Variants in TCTN2 observed in about 807,000 individuals in gnomAD.
TCTN2 encodes tectonic-2.
In TCTN2, 66 loss-of-function variants were observed where a neutral mutation model predicts 83.4. The observed-to-expected ratio is 0.79, with a 90% CI of 0.65 to 0.97. The LOEUF (loss-of-function observed/expected upper bound fraction) is 0.97. Ranked by LOEUF, TCTN2 falls within the 50% of genes least tolerant of loss-of-function variation. The pLI is 0.00. For missense variants in TCTN2, 794 were observed against 858.1 expected (o/e 0.93, Z 0.93); for synonymous variants, 301 against 326.7 (o/e 0.92, Z 0.85).
chr12:123,673,948 T>G, intron 4 of TCTN2, 138 bp downstream of exon 4: 2 of 809,824 alleles, frequency 2.5e-6, no homozygotes, highest in South Asian at 3.1e-5. Flanking sequence ...AAATGAGCTG[T>G]GATCGCGCCA....
At chr12:123,699,981 T>C in intron 14 of TCTN2, 171 bp downstream of exon 14, 1 of 673,446 alleles carries the variant, frequency 1.5e-6, no homozygotes, top group Non-Finnish European at 2.7e-6. Context: ...GGCATGTCTT[T>C]TTCTTCTTAT....
In TCTN2 at chr12:123,687,952, A is replaced by C. The variant is rs111776710; in HGVS notation, c.765-99A>C. The C allele has an allele frequency of 0.017, 25,214 of 1,523,328 alleles. 294 individuals carry two copies. Among genetic ancestry groups the C allele is most frequent in the South Asian group, 0.038 (3,382 of 88,684 alleles). The allele number at this position is 1,523,328 out of a possible 1,614,324, so 94.4% of individuals were successfully genotyped here. ...GCACTCCAGCCTGGGTGACAGAGTG[A>C]GACTCCATCTCAGAAAACAAGAGTA... On this transcript the variant is annotated intron_variant, in intron 6 of 17. Transcript: ENST00000303372.
At chr12:123,694,722 A>ACTTGGG in intron 9 of TCTN2, 120 bp from the exon 10 acceptor site, 1 of 1,033,790 alleles carries the variant, frequency 9.7e-7, no homozygotes, top group Non-Finnish European at 1.5e-6. Context: ...AGGGAGCTGG[A>ACTTGGG]GATAGGGAGG....
chr12:123,687,087 G>A, intron 6 of TCTN2, 52 bp downstream of exon 6: 1 of 1,607,460 alleles, frequency 6.2e-7, no homozygotes. Context: ...CCGCCCTGGT[G>A]GGGCCATACT....
At chr12:123,680,871 A>G (rs1040989920) in intron 5 of TCTN2, among the ~76,000 whole-genome samples, 12 of 152,280 alleles carry the variant, frequency 7.9e-5, no homozygotes, top group African/African-American at 2.9e-4. Flanking sequence ...GAAGAAGGAA[A>G]GAATATCTCT....
In TCTN2 at chr12:123,671,204, C is replaced by G; in HGVS notation, c.-37C>G. On this transcript the variant is annotated 5_prime_UTR_variant, in exon 1 of 18. Transcript: ENST00000303372. Reference sequence around the variant, plus strand: ...AGTCCTTCCTGGGTTCTAATGAGGGCGCGGTTCTGCTGTGCCCGGCCCGCG... The same window carrying G: ...AGTCCTTCCTGGGTTCTAATGAGGGGGCGGTTCTGCTGTGCCCGGCCCGCG... 1 of 1,588,474 alleles carries G rather than the reference C, an allele frequency of 6.3e-7. No individual in the cohort carries two copies. Among genetic ancestry groups the G allele is most frequent in the Non-Finnish European group, 8.6e-7 (1 of 1,165,292 alleles).
In TCTN2 at chr12:123,671,206, C is replaced by T; in HGVS notation, c.-35C>T. On this transcript the variant is annotated 5_prime_UTR_variant, in exon 1 of 18. Transcript: ENST00000303372. ...TCCTTCCTGGGTTCTAATGAGGGCG[C>T]GGTTCTGCTGTGCCCGGCCCGCGAG... The T allele has an allele frequency of 6.3e-7, 1 of 1,593,926 alleles. No homozygotes were observed. Among genetic ancestry groups the T allele is most frequent in the Non-Finnish European group, 8.6e-7 (1 of 1,169,254 alleles).
intron 4 of TCTN2, among the ~76,000 whole-genome samples, chr12:123,676,604 T>TCAG (rs936013568): frequency 2.0e-5 from 3 of 150,016 alleles, no homozygotes; most frequent in Admixed American, 6.7e-5. Flanking sequence ...AAAATATGCT[T>TCAG]CAGTATATTT....
At chr12:123,681,255 T>G (rs1955895781) in intron 5 of TCTN2, among the ~76,000 whole-genome samples, 1 of 62,074 alleles carries the variant, frequency 1.6e-5, no homozygotes, top group South Asian at 4.3e-4. Flanking sequence ...AGACTCTCTT[T>G]CAAAAAAAAA....
At chr12:123,707,130 T>G (rs1956240237) in intron 17 of TCTN2, 57 bp downstream of exon 17, 3 of 1,416,450 alleles carry the variant, frequency 2.1e-6, no homozygotes, top group Non-Finnish European at 3.0e-6. Context: ...AAAAAATTTT[T>G]TAAATGATGT....
intron 11 of TCTN2, 102 bp from the exon 12 acceptor site, chr12:123,696,311 CTA>C (rs1486625523): frequency 2.1e-6 from 2 of 970,236 alleles, no homozygotes; most frequent in Non-Finnish European, 3.3e-6. Flanking sequence ...AAAGCTTCGC[CTA>C]TGTGTTTTCT....
chr12:123,672,463 T>C (rs1453405554), intron 3 of TCTN2, among the ~76,000 whole-genome samples: 2 of 152,160 alleles, frequency 1.3e-5, no homozygotes, highest in African/African-American at 2.4e-5. Flanking sequence ...ATGCCAGGCA[T>C]CGTGGCTCAC....
chr12:123,673,714 C>T lies in TCTN2; in HGVS notation c.367C>T (p.Leu123Phe), dbSNP rs1955785076. ...FSESPCILQT[L>F]LVSASHNSSC... ...AGAGTCCCCCTGTATCCTCCAGACC[C>T]TTCTGGTTTCAGCATCTCATAATTC... The change falls in exon 4 of 18, where the codon CTT (leucine) becomes TTT (phenylalanine). Residue 123 changes from leucine to phenylalanine, a missense_variant. Coordinates refer to ENST00000303372, the MANE Select transcript of TCTN2 (RefSeq NM_024809.5). 1 of 1,614,182 alleles carries T rather than the reference C, an allele frequency of 6.2e-7. No homozygotes were observed. Among genetic ancestry groups the T allele is most frequent in the Non-Finnish European group, 8.5e-7 (1 of 1,180,018 alleles).
chr12:123,699,568 C>T lies in TCTN2; in HGVS notation c.1506-136C>T, dbSNP rs181054455. On this transcript the variant is annotated intron_variant, in intron 13 of 17. Transcript: ENST00000303372. ...ACACACCTAGTCCATGGGTGACACC[C>T]AGCCAGTTTTTAATGCCAGTTCCTC... 1.2e-4 allele frequency: 92 copies of T among 750,766 alleles called. No homozygotes were observed. The African/African-American group carries it at 1.4e-3, about 12-fold the overall frequency. The allele number at this position is 750,766 out of a possible 1,614,324, so 46.5% of individuals were successfully genotyped here. A position where few individuals can be genotyped will look rare whatever the true frequency, so the allele number is the denominator to read the frequency against.
chr12:123,672,441 CAAAA>C (rs945055883), intron 3 of TCTN2, among the ~76,000 whole-genome samples: 1 of 152,042 alleles, frequency 6.6e-6, no homozygotes, highest in Admixed American at 6.6e-5. Context: ...GTCAGTGATT[CAAAA>C]AAGCTTTATG....
intron 5 of TCTN2, among the ~76,000 whole-genome samples, 158 bp from the exon 6 acceptor site, chr12:123,686,678 T>C (rs1030505847): frequency 2.0e-5 from 3 of 152,196 alleles, no homozygotes; most frequent in African/African-American, 7.2e-5. Flanking sequence ...TATTTTACTT[T>C]TTGTGGGCAC....
chr12:123,689,774 A>G (rs1956019878), intron 7 of TCTN2, among the ~76,000 whole-genome samples: 1 of 152,102 alleles, frequency 6.6e-6, no homozygotes, highest in Non-Finnish European at 1.5e-5. Flanking sequence ...AAGGTTGTAT[A>G]TGGAATCATT....
Position 123,706,994 on chromosome 12 carries a change from C to A in TCTN2, c.1905C>A (p.Ile635=). 1.2e-6 allele frequency: 2 copies of A among 1,613,956 alleles called. No homozygotes were observed. The highest frequency in any genetic ancestry group is 2.2e-5 in the South Asian group (2 of 91,054). ...QLPHPLTRFQ[I]NYTEYDCNRN... is the part of the protein sequence containing the mutation. ...CTAAAATGTTTTCTAGATTCCAGAT[C>A]AATTATACAGAGTATGACTGCAACA... Residue 635 remains isoleucine (I), a synonymous_variant, in exon 17 of 18, where the codon ATC becomes ATA. Coordinates refer to ENST00000303372, the MANE Select transcript of TCTN2 (RefSeq NM_024809.5).
chr12:123,684,685 C>T (rs2135830924), intron 5 of TCTN2, among the ~76,000 whole-genome samples: 1 of 152,122 alleles, frequency 6.6e-6, no homozygotes, highest in South Asian at 2.1e-4. Flanking sequence ...TAGGCGTGAG[C>T]CCCCACACCT....
Sources: allele counts gnomAD v4.1 joint callset (sites outside exome capture counted in the v4.1 genomes callset), GRCh38; gene constraint gnomAD v4.1.1; transcripts MANE v1.5; gene names NCBI Gene and HGNC (gene_info 2026-07-23, HGNC 2026-07-21).